Variants in PAM observed in about 807,000 individuals in gnomAD.
PAM encodes peptidylglycine alpha-amidating monooxygenase, also known as peptidyl-glycine alpha-amidating monooxygenase.
PAM carries 72 observed loss-of-function variants against 122.1 expected under a neutral mutation model. The observed-to-expected ratio is 0.59, with a 90% confidence interval of 0.49 to 0.72. The LOEUF (loss-of-function observed/expected upper bound fraction) is 0.72, where lower values mean the gene tolerates loss of function less well. Among genes scored for constraint, PAM ranks in the 30% least tolerant of loss-of-function variants. The pLI, the probability that PAM is intolerant of heterozygous loss-of-function variation, is 0.00. For missense variants in PAM, 1,106 were observed against 1,183.7 expected, an observed-to-expected ratio of 0.93 and a Z score of 0.96; for synonymous variants, 389 against 404.4, an observed-to-expected ratio of 0.96 and a Z score of 0.46.
intron 4 of PAM, among the ~76,000 whole-genome samples, chr5:102,905,581 T>G (rs1000876756): frequency 6.6e-6 from 1 of 151,686 alleles, no homozygotes; most frequent in Non-Finnish European, 1.5e-5. Context: ...ATTTTGATCA[T>G]GCTTATGGGT....
intron 15 of PAM, among the ~76,000 whole-genome samples, chr5:102,976,273 G>T (rs1767633029): frequency 6.6e-6 from 1 of 152,074 alleles, no homozygotes; most frequent in South Asian, 2.1e-4. Context: ...ATTTAGGTAA[G>T]CTGTTTCTAA....
At chr5:102,832,836 A>G (rs1775849816) in intron 1 of PAM, among the ~76,000 whole-genome samples, 1 of 152,204 alleles carries the variant, frequency 6.6e-6, no homozygotes, top group South Asian at 2.1e-4. Context: ...AGAGCAGAAC[A>G]GCTAAGTGAC....
At chr5:102,765,322 G>C (rs1447154051) in intron 1 of PAM, among the ~76,000 whole-genome samples, 2 of 152,194 alleles carry the variant, frequency 1.3e-5, no homozygotes, top group Non-Finnish European at 2.9e-5. Context: ...AAGATACCAA[G>C]CCTCCCTTCT....
chr5:102,811,554 A>G (rs901521211), intron 1 of PAM, among the ~76,000 whole-genome samples: 5 of 152,106 alleles, frequency 3.3e-5, no homozygotes, highest in African/African-American at 7.2e-5. Context: ...AAACTTAATC[A>G]CATCTGCAAA....
chr5:102,986,920 C>T (rs554130045), intron 15 of PAM, among the ~76,000 whole-genome samples: 12 of 152,282 alleles, frequency 7.9e-5, no homozygotes, highest in Admixed American at 5.2e-4. Flanking sequence ...GCCTCCCCAG[C>T]CATGTGGAAC....
intron 1 of PAM, among the ~76,000 whole-genome samples, chr5:102,824,359 A>G (rs1005187192): frequency 2.6e-5 from 4 of 152,232 alleles, no homozygotes; most frequent in Admixed American, 2.0e-4. Flanking sequence ...ATTTTATGAA[A>G]TCAGCCAAAA....
At chr5:102,869,510 A>C (rs1050233415) in intron 3 of PAM, among the ~76,000 whole-genome samples, 8 of 152,202 alleles carry the variant, frequency 5.3e-5, no homozygotes, top group Non-Finnish European at 1.0e-4. Context: ...TAAATGATTC[A>C]GTTGCTCTGC....
chr5:102,765,836 T>C (rs2059211), intron 1 of PAM, among the ~76,000 whole-genome samples: 16,346 of 152,188 alleles, frequency 0.11, 1,170 homozygotes, highest in Middle Eastern at 0.17. Context: ...AGTTTCCCCT[T>C]TTTATAAGGA....
chr5:103,030,314 T>C (rs779163582), downstream of PAM: 3 of 152,262 alleles, frequency 2.0e-5, no homozygotes, highest in Non-Finnish European at 2.9e-5. Flanking sequence ...TTACAGTGAT[T>C]GCAGATTAGT....
intron 1 of PAM, among the ~76,000 whole-genome samples, chr5:102,844,258 T>A (rs1414778828): frequency 6.6e-6 from 1 of 152,178 alleles, no homozygotes; most frequent in Non-Finnish European, 1.5e-5. Flanking sequence ...ATAAGCTTTT[T>A]GAGATGGAGA....
chr5:102,981,713 C>T (rs930387288), intron 15 of PAM, among the ~76,000 whole-genome samples: 14 of 152,138 alleles, frequency 9.2e-5, no homozygotes, highest in African/African-American at 3.1e-4. Context: ...TCTGCATTGT[C>T]GTGAGCTTTG....
chr5:102,941,707 T>A (rs943964273), intron 7 of PAM, among the ~76,000 whole-genome samples: 7 of 152,004 alleles, frequency 4.6e-5, no homozygotes, highest in African/African-American at 1.7e-4. Context: ...GTAACTCAGA[T>A]TTTGTTTGAA....
intron 5 of PAM, among the ~76,000 whole-genome samples, chr5:102,924,565 G>A (rs1313818509): frequency 6.6e-6 from 1 of 152,106 alleles, no homozygotes; most frequent in African/African-American, 2.4e-5. Context: ...TCGCCAAAGG[G>A]GAAATGTGTA....
At chr5:102,953,384 G>A (rs1290702877) in intron 12 of PAM, among the ~76,000 whole-genome samples, 3 of 151,472 alleles carry the variant, frequency 2.0e-5, no homozygotes, top group Admixed American at 6.6e-5. Flanking sequence ...TTTACAAGGA[G>A]GGGGGGGAAT....
intron 5 of PAM, among the ~76,000 whole-genome samples, chr5:102,924,285 T>C (rs962382661): frequency 6.6e-6 from 1 of 151,608 alleles, no homozygotes; most frequent in African/African-American, 2.4e-5. Flanking sequence ...TACAAAAAAT[T>C]AGCCGGGCAT....
At chr5:102,996,288 C>G (rs1775673334) in intron 16 of PAM, among the ~76,000 whole-genome samples, 1 of 152,146 alleles carries the variant, frequency 6.6e-6, no homozygotes, top group African/African-American at 2.4e-5. Flanking sequence ...GTGCTCCAGG[C>G]ACTGTGTGAA....
intron 12 of PAM, among the ~76,000 whole-genome samples, chr5:102,952,712 TC>T (rs1562012060): frequency 6.6e-6 from 1 of 152,166 alleles, no homozygotes; most frequent in Admixed American, 6.6e-5. Context: ...GCAATGTGTC[TC>T]TGTTTTATAA....
chr5:102,764,473 C>T (rs571814596), intron 1 of PAM, among the ~76,000 whole-genome samples: 6 of 151,856 alleles, frequency 4.0e-5, no homozygotes, highest in Non-Finnish European at 5.9e-5. Context: ...AGATTCTCTA[C>T]GAAGCAGCGG....
chr5:102,831,349 A>G (rs1489093541), intron 1 of PAM, among the ~76,000 whole-genome samples: 1 of 152,202 alleles, frequency 6.6e-6, no homozygotes, highest in Non-Finnish European at 1.5e-5. Context: ...CAACTTTGAA[A>G]ACATAGAAAA....
Sources: gnomAD v4.1 joint callset for allele counts (sites outside exome capture counted in the v4.1 genomes callset) on GRCh38, gnomAD v4.1.1 for gene constraint, MANE v1.5 for transcripts, NCBI Gene and HGNC (gene_info 2026-07-23, HGNC 2026-07-21) for gene names.